Variants in FRY observed in about 807,000 individuals in gnomAD.
The protein encoded by FRY is FRY microtubule binding protein, also known as protein furry homolog.
A neutral mutation model predicts 348.4 loss-of-function variants in FRY; 128 were observed. That is an observed-to-expected ratio of 0.37 (90% CI 0.32 to 0.43). The LOEUF (loss-of-function observed/expected upper bound fraction) is 0.43. Among genes scored for constraint, FRY ranks in the 20% least tolerant of loss-of-function variants. FRY has a pLI of 1.00. For synonymous variants in FRY, 1,370 were observed against 1,374.7 expected, an observed-to-expected ratio of 1.00 and a Z score of 0.08; for missense variants, 2,736 against 3,695.2, an observed-to-expected ratio of 0.74 and a Z score of 6.73.
At chr13:32,098,462 T>C (rs768573934) in intron 2 of FRY, among the ~76,000 whole-genome samples, 13 of 151,938 alleles carry the variant, frequency 8.6e-5, no homozygotes, top group Non-Finnish European at 1.3e-4. Context: ...CATGAATGTG[T>C]AATTGCACAA....
chr13:32,156,754 T>C (rs1226525568), intron 15 of FRY, among the ~76,000 whole-genome samples: 1 of 152,168 alleles, frequency 6.6e-6, no homozygotes, highest in Non-Finnish European at 1.5e-5. Flanking sequence ...ATCAACACTG[T>C]AGTTAATGAG....
At chr13:32,133,558 G>A (rs1593651133) in intron 8 of FRY, among the ~76,000 whole-genome samples, 2 of 152,112 alleles carry the variant, frequency 1.3e-5, no homozygotes, top group South Asian at 4.1e-4. Context: ...GAGCTCATCT[G>A]TATAGGAAAG....
At position 32,209,707 on chromosome 13, in the gene FRY, C is replaced by T. The variant is rs1566135375; in HGVS notation, c.4398C>T (p.Ser1466=). 1.9e-6 allele frequency: 3 copies of T among 1,614,130 alleles called. No homozygotes were observed. Among genetic ancestry groups the T allele is most frequent in the Non-Finnish European group, 2.5e-6 (3 of 1,179,976 alleles). ...LQFLISLCGV[S]SDTVLLPYIK... The stretch of plus-strand genomic sequence containing the variant: ...TCCTGATTAGCCTCTGTGGGGTCAG[C>T]AGCGACACAGTTCTCCTACCCTATG... The change falls in exon 33 of 61, where the codon AGC becomes AGT. Residue 1466 remains serine (S), a synonymous_variant. Transcript: ENST00000542859.
chr13:32,094,547 C>T (rs1432824151), intron 2 of FRY, among the ~76,000 whole-genome samples: 1 of 152,000 alleles, frequency 6.6e-6, no homozygotes, highest in Non-Finnish European at 1.5e-5. Context: ...AAACATCCTT[C>T]TACTCTGTGT....
At position 32,265,472 on chromosome 13, in the gene FRY, A is replaced by G; in HGVS notation, c.7802A>G (p.Glu2601Gly). Residue 2601 changes from glutamate (E) to glycine (G), a missense_variant, in exon 54 of 61, where the codon GAG becomes GGG. Physicochemically the swap from Glu to Gly is moderately conservative, Grantham distance 98. Coordinates refer to ENST00000542859, the MANE Select transcript of FRY (RefSeq NM_023037.3). ...GSKAEAVREE[E>G]DTTVHEDDLS... The stretch of plus-strand genomic sequence containing the variant: ...CAGGCTGAAGCTGTTCGTGAGGAGG[A>G]GGACACCACCGTGCATGAGGATGAT... 1 of 1,614,094 alleles carries G rather than the reference A, an allele frequency of 6.2e-7. No homozygotes were observed. Among genetic ancestry groups the G allele is most frequent in the Non-Finnish European group, 8.5e-7 (1 of 1,180,012 alleles).
rs61946720 is a variant in FRY, at chr13:32,149,240, A to T, written c.1393-508A>T. Among the ~76,000 whole-genome samples, 725 of 150,642 alleles carry T rather than the reference A, an allele frequency of 4.8e-3. 7 individuals are homozygous for T. The highest frequency in any genetic ancestry group is 9.0e-3 in the Non-Finnish European group (608 of 67,716). The stretch of plus-strand genomic sequence containing the variant: ...TACTATATATATATATACACCCCTG[A>T]TATATTAAGTAACCTTAATATATCT... On this transcript the variant is annotated intron_variant, in intron 13 of 60. Coordinates refer to ENST00000542859, the MANE Select transcript of FRY (RefSeq NM_023037.3).
rs144535506 is a variant in FRY at position 32,167,377 on chromosome 13, T to C, written c.1893-3635T>C. ...TGCTCCAAGCCTCTCACATGGCTTC[T>C]GGTAGTTTGCTGGCACTCTGGCATC... On this transcript the variant is annotated intron_variant, in intron 17 of 60. Transcript: ENST00000542859. Among the ~76,000 whole-genome samples the C allele has an allele frequency of 8.2e-3, 1,248 of 152,334 alleles. 37 individuals are homozygous for C. The highest frequency in any genetic ancestry group is 0.062 in the Admixed American group (951 of 15,294).
intron 4 of FRY, among the ~76,000 whole-genome samples, chr13:32,118,713 T>C (rs1047630457): frequency 5.9e-5 from 9 of 152,162 alleles, no homozygotes; most frequent in African/African-American, 2.2e-4. Flanking sequence ...TTTCAGAACA[T>C]TTTTATCACC....
At chr13:32,268,939 A>C (rs1173124062) in intron 55 of FRY, among the ~76,000 whole-genome samples, 1 of 152,224 alleles carries the variant, frequency 6.6e-6, no homozygotes, top group Non-Finnish European at 1.5e-5. Context: ...CAAAGGAAAA[A>C]AATGGAAAGG....
intron 31 of FRY, among the ~76,000 whole-genome samples, chr13:32,205,604 T>A (rs1884308166): frequency 6.6e-6 from 1 of 152,134 alleles, no homozygotes; most frequent in African/African-American, 2.4e-5. Context: ...AGGCCTTGTG[T>A]ACACTACAAG....
chr13:32,268,505 A>AAAAATATATATATAT (rs1555273232), intron 55 of FRY, among the ~76,000 whole-genome samples: 1 of 28,316 alleles, frequency 3.5e-5, no homozygotes, highest in South Asian at 1.4e-3. Context: ...AAAAAAAAAA[A>AAAAATATATATATAT]ATATATATAT....
chr13:32,079,454 G>A (rs973253205), intron 2 of FRY, among the ~76,000 whole-genome samples: 3 of 152,130 alleles, frequency 2.0e-5, no homozygotes, highest in African/African-American at 7.2e-5. Context: ...TGGCTGTGTG[G>A]ACTTCGAGTT....
In FRY at chr13:32,278,336, A is replaced by G. The variant is rs146341041; in HGVS notation, c.8386-129A>G. 358 of 688,822 alleles carry G rather than the reference A, an allele frequency of 5.2e-4. 1 individual carries two copies. In the African/African-American group the frequency reaches 5.8e-3, roughly 11 times the overall value. 42.7% of individuals were successfully genotyped at this position (688,822 alleles called of 1,614,324 possible). Reference sequence around the variant, plus strand: ...CCCCCAAATACGACCCTTTTCAAAAAGTCATTACAGCACAATTTCATTTTA... The same window carrying G: ...CCCCCAAATACGACCCTTTTCAAAAGGTCATTACAGCACAATTTCATTTTA... On this transcript the variant is annotated intron_variant, in intron 57 of 60. Coordinates refer to ENST00000542859, the MANE Select transcript of FRY (RefSeq NM_023037.3).
chr13:32,102,112 C>A, intron 3 of FRY, 96 bp downstream of exon 3: 1 of 784,848 alleles, frequency 1.3e-6, no homozygotes, highest in Non-Finnish European at 2.3e-6. Flanking sequence ...GGATGAACAT[C>A]CTCAAAAAGT....
intron 7 of FRY, among the ~76,000 whole-genome samples, chr13:32,129,161 T>A (rs1879202987): frequency 1.3e-5 from 2 of 152,200 alleles, no homozygotes; most frequent in African/African-American, 4.8e-5. Flanking sequence ...GAGATATAAC[T>A]TCATTTTAAC....
intron 44 of FRY, 64 bp downstream of exon 44, chr13:32,238,050 A>AT (rs1270356130): frequency 3.2e-6 from 5 of 1,553,124 alleles, no homozygotes; most frequent in Non-Finnish European, 3.5e-6. Flanking sequence ...ATTTGGTACA[A>AT]TAAGATAATA....
At chr13:32,243,124 A>G (rs1283383962) in intron 46 of FRY, among the ~76,000 whole-genome samples, 2 of 152,194 alleles carry the variant, frequency 1.3e-5, no homozygotes, top group East Asian at 1.9e-4. Flanking sequence ...TTTATTTCCA[A>G]TGTTATTTCT....
At chr13:32,164,181 T>G (rs1474737956) in intron 17 of FRY, among the ~76,000 whole-genome samples, 1 of 152,172 alleles carries the variant, frequency 6.6e-6, no homozygotes, top group African/African-American at 2.4e-5. Flanking sequence ...GGGTTTCAAG[T>G]GCCACACAAG....
In FRY at chr13:32,268,497, AAAAAAAAAATATATATATATATAT is replaced by A. The variant is rs1400731485; in HGVS notation, c.8136+1140_8136+1163del. Among the ~76,000 whole-genome samples the A allele has an allele frequency of 1.4e-3, 21 of 15,446 alleles. 1 individual carries two copies. In the East Asian group the frequency reaches 0.027, roughly 20 times the overall value. The allele number at this position is 15,446 out of a possible 152,430, so 10.1% of individuals were successfully genotyped here. On this transcript the variant is annotated intron_variant, in intron 55 of 60. Coordinates refer to ENST00000542859, the MANE Select transcript of FRY (RefSeq NM_023037.3). Reference sequence around the variant, plus strand: ...AGAGAAAGCTAGTTTAAAAAAAAAAAAAAAAAAAATATATATATATATATATATATATATATATATATCTAGATT... The same window carrying A: ...AGAGAAAGCTAGTTTAAAAAAAAAAAATATATATATATATATATCTAGATT...
Sources: allele counts gnomAD v4.1 joint callset (sites outside exome capture counted in the v4.1 genomes callset), GRCh38; gene constraint gnomAD v4.1.1; transcripts MANE v1.5; gene names NCBI Gene and HGNC (gene_info 2026-07-23, HGNC 2026-07-21).